The following SSX2IP variants were observed in gnomAD, a reference collection of about 807,000 sequenced individuals.
SSX2IP encodes afadin- and alpha-actinin-binding protein.
In SSX2IP, 55 loss-of-function variants were observed where a neutral mutation model predicts 84.9. That is an observed-to-expected ratio of 0.65 (90% CI 0.52 to 0.81). The LOEUF (loss-of-function observed/expected upper bound fraction) is 0.81. Ranked by LOEUF, SSX2IP falls within the 30% of genes least tolerant of loss-of-function variation. The pLI is 0.00. For missense variants in SSX2IP, 664 were observed against 705.2 expected (o/e 0.94, Z 0.66); for synonymous variants, 239 against 234.7 (o/e 1.02, Z -0.17).
At chr1:84,657,163 G>C (rs1651240607) in intron 9 of SSX2IP, among the ~76,000 whole-genome samples, 1 of 151,812 alleles carries the variant, frequency 6.6e-6, no homozygotes, top group African/African-American at 2.4e-5. Flanking sequence ...CATTTTCCTA[G>C]TTTAAAAGCA....
Position 84,656,519 on chromosome 1 carries a change from T to G in SSX2IP, c.1079-35A>C, listed in dbSNP as rs771766564. ...AATCAGTAAGTTGACATAGGTCTTATAGCCACCACTTAGTTTACAGTGTTT... is the reference window on the plus strand; with the variant it reads ...AATCAGTAAGTTGACATAGGTCTTAGAGCCACCACTTAGTTTACAGTGTTT... On this transcript the variant is annotated intron_variant, in intron 9 of 13. Transcript: ENST00000342203. 8 of 1,589,510 alleles carry G rather than the reference T, an allele frequency of 5.0e-6. No homozygotes were observed. The South Asian group carries it at 7.0e-5, about 14-fold the overall frequency.
chr1:84,682,655 C>A (rs1320567342), intron 1 of SSX2IP, among the ~76,000 whole-genome samples: 1 of 151,962 alleles, frequency 6.6e-6, no homozygotes, highest in Non-Finnish European at 1.5e-5. Flanking sequence ...CAGGCGCATG[C>A]CACCGCACCT....
Position 84,664,522 on chromosome 1 carries a change from G to A in SSX2IP, c.568C>T (p.Arg190Ter), listed in dbSNP as rs750923248. Reference protein sequence around the residue: ...VQKLQNIIASRATQYNHDMKR... With the variant: ...VQKLQNIIAS Reference sequence around the variant, plus strand: ...ATATCATGATTATACTGAGTAGCTCGACTTGCAATGATATTTTGTAATTTT... The same window carrying A: ...ATATCATGATTATACTGAGTAGCTCAACTTGCAATGATATTTTGTAATTTT... Residue 190 changes from arginine (R) to a stop codon, truncating the protein, a stop_gained, in exon 6 of 14, where the codon CGA (arginine) becomes TGA (stop). Transcript: ENST00000342203. LOFTEE classifies it high-confidence loss of function. The A allele has an allele frequency of 5.1e-6, 8 of 1,578,318 alleles. No individual in the cohort carries two copies. The highest frequency in any genetic ancestry group is 1.9e-5 in the Admixed American group (1 of 53,550).
rs1392506990 is a variant in SSX2IP, at chr1:84,658,444, C to T, written c.952G>A (p.Ala318Thr). The T allele has an allele frequency of 6.2e-7, 1 of 1,614,024 alleles. No individual in the cohort carries two copies. The highest frequency in any genetic ancestry group is 2.2e-5 in the East Asian group (1 of 44,860). ...GTVISDVEED[A>T]GELSRESMWD... ...ATACTCTCTCTGCTTAGTTCCCCGG[C>T]ATCTTCTTCAACATCGGAAATAACC... The change falls in exon 9 of 14, where the codon GCC becomes ACC. Residue 318 changes from alanine (A) to threonine (T), a missense_variant. Coordinates refer to ENST00000342203, the MANE Select transcript of SSX2IP (RefSeq NM_001166293.2).
At chr1:84,672,692 T>C (rs1002724410) in intron 1 of SSX2IP, among the ~76,000 whole-genome samples, 4 of 152,214 alleles carry the variant, frequency 2.6e-5, no homozygotes, top group Non-Finnish European at 2.9e-5. Flanking sequence ...CAGTTCTGAA[T>C]ATTTAAGACT....
Position 84,647,605 on chromosome 1 carries a change from G to T in SSX2IP, c.1673C>A (p.Ser558Ter). 1 of 1,579,812 alleles carries T rather than the reference G, an allele frequency of 6.3e-7. No individual in the cohort carries two copies. The highest frequency in any genetic ancestry group is 1.2e-5 in the South Asian group (1 of 85,434). Residue 558 changes from serine (S) to a stop codon, truncating the protein, a stop_gained and splice_region_variant, in exon 14 of 14, where the codon TCA (serine) becomes TAA (stop). Transcript: ENST00000342203. LOFTEE classifies it high-confidence loss of function. ...AGCAGTTATATTCAGTACATTGATT[G>T]AACTGTTGGGAAAAGAAAGGCAGAT... ...QTRSCISEHS[S>*]INVLNITAEE...
intron 1 of SSX2IP, among the ~76,000 whole-genome samples, chr1:84,674,935 C>T (rs921459413): frequency 4.6e-5 from 7 of 152,180 alleles, no homozygotes; most frequent in Admixed American, 4.6e-4. Context: ...TTTATCAATA[C>T]ATACCCTAAA....
At position 84,644,210 on chromosome 1, in the gene SSX2IP, T is replaced by C. The variant is rs2102075704; in HGVS notation, c.*3223A>G. 1 of 152,354 alleles carries C rather than the reference T, an allele frequency of 6.6e-6. No homozygotes were observed. Among genetic ancestry groups the C allele is most frequent in the South Asian group, 2.1e-4 (1 of 4,828 alleles). 9.4% of individuals were successfully genotyped at this position (152,354 alleles called of 1,614,324 possible). A position where few individuals can be genotyped will look rare whatever the true frequency, so the allele number is the denominator to read the frequency against. On this transcript the variant is annotated 3_prime_UTR_variant, in exon 14 of 14. Transcript: ENST00000342203. ...ATGCTAAGACTTATAAATGGAAGCC[T>C]AGCCACGTTACTGTTAAAAAACAAA...
At chr1:84,663,088 GA>G (rs1652263714) in intron 6 of SSX2IP, among the ~76,000 whole-genome samples, 2 of 152,076 alleles carry the variant, frequency 1.3e-5, no homozygotes, top group Non-Finnish European at 2.9e-5. Context: ...GATCTATACA[GA>G]AAAAGTTTGC....
At position 84,646,957 on chromosome 1, in the gene SSX2IP, T is replaced by G. The variant is rs892753772; in HGVS notation, c.*476A>C. 6.6e-6 allele frequency: 1 copy of G among 152,614 alleles called. No homozygotes were observed. The highest frequency in any genetic ancestry group is 1.5e-5 in the Non-Finnish European group (1 of 68,028). 9.5% of individuals were successfully genotyped at this position (152,614 alleles called of 1,614,324 possible). A position where few individuals can be genotyped will look rare whatever the true frequency, so the allele number is the denominator to read the frequency against. ...TATCTATGTACAAAACATACATAAA[T>G]TTCACTTTATTTAAAACATATGAAA... is the stretch of plus-strand genomic sequence containing the variant. On this transcript the variant is annotated 3_prime_UTR_variant, in exon 14 of 14. Transcript: ENST00000342203.
intron 11 of SSX2IP, chr1:84,655,560 T>C (rs2102238513): frequency 3.6e-6 from 5 of 1,396,826 alleles, no homozygotes; most frequent in Non-Finnish European, 4.7e-6. Flanking sequence ...AGATTTCTTG[T>C]GTAAAACACT....
At chr1:84,681,704 A>C (rs952477086) in intron 1 of SSX2IP, among the ~76,000 whole-genome samples, 4 of 152,264 alleles carry the variant, frequency 2.6e-5, no homozygotes, top group Non-Finnish European at 5.9e-5. Flanking sequence ...AATCCCAAAA[A>C]GTAGCAGCCC....
In SSX2IP at chr1:84,644,460, C is replaced by T. The variant is rs1482212952; in HGVS notation, c.*2973G>A. On this transcript the variant is annotated 3_prime_UTR_variant, in exon 14 of 14. Transcript: ENST00000342203. ...TACTTAATAAATGCTTACCAAAAGA[C>T]TGAAAAAGGACAAAAATAGGGAAAA... 1.3e-5 allele frequency: 2 copies of T among 152,104 alleles called. No homozygotes were observed. The highest frequency in any genetic ancestry group is 2.9e-5 in the Non-Finnish European group (2 of 68,008). 9.4% of individuals were successfully genotyped at this position (152,104 alleles called of 1,614,324 possible). A position where few individuals can be genotyped will look rare whatever the true frequency, so the allele number is the denominator to read the frequency against.
chr1:84,650,390 G>A lies in SSX2IP; in HGVS notation c.1642C>T (p.Gln548Ter). 1 of 1,614,182 alleles carries A rather than the reference G, an allele frequency of 6.2e-7. No homozygotes were observed. The highest frequency in any genetic ancestry group is 8.5e-7 in the Non-Finnish European group (1 of 1,180,030). The part of the protein sequence containing the change: ...PASPSTSDFC[Q>*]TRSCISEHSS... ...TGTTCAGATATGCAGGAACGTGTCT[G>A]GCAAAAGTCTGAAGTGGAAGGTGAA... The change falls in exon 13 of 14, where the codon CAG (glutamine) becomes TAG (stop). Residue 548 changes from glutamine to a stop codon, truncating the protein, a stop_gained. Coordinates refer to ENST00000342203, the MANE Select transcript of SSX2IP (RefSeq NM_001166293.2). LOFTEE classifies it high-confidence loss of function.
chr1:84,648,178 G>A (rs1333646149), intron 13 of SSX2IP, among the ~76,000 whole-genome samples: 4 of 151,938 alleles, frequency 2.6e-5, no homozygotes, highest in Non-Finnish European at 4.4e-5. Flanking sequence ...AATATAAACC[G>A]AGATCCAAAA....
intron 1 of SSX2IP, among the ~76,000 whole-genome samples, chr1:84,672,519 G>A (rs957879258): frequency 1.3e-5 from 2 of 152,048 alleles, no homozygotes; most frequent in African/African-American, 4.8e-5. Context: ...CTTGATCTGA[G>A]ATGTGGTTAT....
intron 12 of SSX2IP, among the ~76,000 whole-genome samples, chr1:84,651,102 G>A (rs1286956899): frequency 6.6e-6 from 1 of 152,168 alleles, no homozygotes; most frequent in Admixed American, 6.5e-5. Flanking sequence ...GACTGCTTAA[G>A]CCAGGAGTTT....
chr1:84,662,636 G>A (rs191036336), intron 6 of SSX2IP, 106 bp from the exon 7 acceptor site: 11 of 1,234,014 alleles, frequency 8.9e-6, no homozygotes, highest in Non-Finnish European at 2.3e-6. Flanking sequence ...CTGGTATATA[G>A]GTTAGGATTT....
At position 84,666,612 on chromosome 1, in the gene SSX2IP, G is replaced by A. The variant is rs190339027; in HGVS notation, c.427-380C>T. Among the ~76,000 whole-genome samples, 3 of 152,092 alleles carry A rather than the reference G, an allele frequency of 2.0e-5. No individual in the cohort carries two copies. In the East Asian group the frequency reaches 5.8e-4, roughly 29 times the overall value. Reference sequence around the variant, plus strand: ...AAGTACAGCAATGTCATCATCCTTCGAGAGTATACTTGGCTTTGAAAAAGA... The same window carrying A: ...AAGTACAGCAATGTCATCATCCTTCAAGAGTATACTTGGCTTTGAAAAAGA... On this transcript the variant is annotated intron_variant, in intron 4 of 13. Coordinates refer to ENST00000342203, the MANE Select transcript of SSX2IP (RefSeq NM_001166293.2).
Sources: allele counts gnomAD v4.1 joint callset (sites outside exome capture counted in the v4.1 genomes callset), GRCh38; gene constraint gnomAD v4.1.1; transcripts MANE v1.5; gene names NCBI Gene and HGNC (gene_info 2026-07-23, HGNC 2026-07-21).